Variants in MTMR3 observed in about 807,000 individuals in gnomAD.
The protein encoded by MTMR3 is phosphatidylinositol-3,5-bisphosphate 3-phosphatase MTMR3.
A neutral mutation model predicts 132.4 loss-of-function variants in MTMR3; 32 were observed. The observed-to-expected ratio is 0.24, with a 90% confidence interval of 0.18 to 0.32. MTMR3 has a LOEUF of 0.32. MTMR3 is among the 10% of genes least tolerant of loss of function. The pLI is 1.00. For synonymous variants in MTMR3, 556 were observed against 550.3 expected, an observed-to-expected ratio of 1.01 and a Z score of -0.14; for missense variants, 1,216 against 1,489.6, an observed-to-expected ratio of 0.82 and a Z score of 3.02.
intron 1 of MTMR3, among the ~76,000 whole-genome samples, chr22:29,940,946 T>A (rs372700371): frequency 6.7e-6 from 1 of 150,016 alleles, no homozygotes; most frequent in Non-Finnish European, 1.5e-5. Flanking sequence ...CTTGGGAGAT[T>A]AGTGCATATG....
intron 14 of MTMR3, 50 bp downstream of exon 14, chr22:30,013,591 C>T (rs2067490503): frequency 6.4e-7 from 1 of 1,557,398 alleles, no homozygotes; most frequent in Admixed American, 1.7e-5. Flanking sequence ...AGGGTCAGTA[C>T]AAATGTTAGT....
chr22:29,925,662 T>G (rs569291936), intron 1 of MTMR3, among the ~76,000 whole-genome samples: 2 of 152,026 alleles, frequency 1.3e-5, no homozygotes, highest in Non-Finnish European at 2.9e-5. Context: ...ATGCCTGTAA[T>G]CCCAGCAATT....
intron 1 of MTMR3, among the ~76,000 whole-genome samples, chr22:29,929,836 A>G (rs189357618): frequency 3.3e-5 from 5 of 152,280 alleles, no homozygotes; most frequent in Non-Finnish European, 7.4e-5. Flanking sequence ...TAAAATGGAA[A>G]TGCTCAACTC....
intron 12 of MTMR3, chr22:30,009,344 A>G (rs950701316): frequency 5.8e-6 from 3 of 514,208 alleles, no homozygotes; most frequent in Non-Finnish European, 1.0e-5. Context: ...GGGAGAAAAT[A>G]CAGCCATTTG....
At chr22:29,943,742 T>A (rs2065901195) in intron 1 of MTMR3, among the ~76,000 whole-genome samples, 1 of 152,096 alleles carries the variant, frequency 6.6e-6, no homozygotes, top group African/African-American at 2.4e-5. Flanking sequence ...TGATAGACTT[T>A]TAGTTTAGGC....
At chr22:29,994,768 A>G (rs903382328) in intron 7 of MTMR3, 1 of 152,202 alleles carries the variant, frequency 6.6e-6, no homozygotes, top group Non-Finnish European at 1.5e-5. Context: ...TATAAATCTT[A>G]GTTTCTGGCT....
Position 30,002,907 on chromosome 22 carries a change from C to G in MTMR3, c.585C>G (p.Leu195=), listed in dbSNP as rs1240011842. The change falls in exon 9 of 20, where the codon CTC becomes CTG. Residue 195 remains leucine (L), a synonymous_variant. Coordinates refer to ENST00000401950, the MANE Select transcript of MTMR3 (RefSeq NM_021090.4). ...TATGTGGTAGCTATCCTCAAGAGCTCATAGTGCCTGCCTGGATCACTGACA... is the reference window on the plus strand; with the variant it reads ...TATGTGGTAGCTATCCTCAAGAGCTGATAGTGCCTGCCTGGATCACTGACA... ...YKLCGSYPQE[L]IVPAWITDKE... is the part of the protein sequence containing the mutation. 2 of 1,613,878 alleles carry G rather than the reference C, an allele frequency of 1.2e-6. No homozygotes were observed. Among genetic ancestry groups the G allele is most frequent in the African/African-American group, 1.3e-5 (1 of 74,904 alleles).
chr22:30,014,868 T>C (rs1411628444), intron 14 of MTMR3: 1 of 152,274 alleles, frequency 6.6e-6, no homozygotes, highest in Admixed American at 6.5e-5. Flanking sequence ...TGCTCCTCCA[T>C]CCACACTTCC....
intron 2 of MTMR3, among the ~76,000 whole-genome samples, chr22:29,962,910 CTTTTTT>C (rs892383539): frequency 3.0e-5 from 4 of 133,622 alleles, no homozygotes; most frequent in Non-Finnish European, 4.8e-5. Context: ...TCTCTTTTTT[CTTTTTT>C]TTTTTTTTTT....
chr22:29,994,036 C>A, intron 7 of MTMR3: 1 of 819,676 alleles, frequency 1.2e-6, no homozygotes, highest in Non-Finnish European at 1.5e-6. Context: ...GACATTCATG[C>A]TCTTCCTGCC....
At chr22:29,920,304 A>G (rs954486617) in intron 1 of MTMR3, among the ~76,000 whole-genome samples, 8 of 151,980 alleles carry the variant, frequency 5.3e-5, no homozygotes, top group Admixed American at 2.6e-4. Flanking sequence ...CTTATTAGCT[A>G]AAAAAAATTA....
intron 2 of MTMR3, among the ~76,000 whole-genome samples, chr22:29,960,635 G>A (rs1454621525): frequency 6.6e-6 from 1 of 152,126 alleles, no homozygotes; most frequent in Non-Finnish European, 1.5e-5. Context: ...TTCTAAGCAT[G>A]TTATATGCAT....
At position 30,020,012 on chromosome 22, in the gene MTMR3, G is replaced by T; in HGVS notation, c.2353G>T (p.Gly785Ter). Residue 785 changes from glycine to a stop codon, truncating the protein, a stop_gained, in exon 17 of 20, where the codon GGA becomes TGA. Transcript: ENST00000401950. LOFTEE classifies it high-confidence loss of function. ...LLSSLQVPPR[G>*]EDSLEVPVEQ... The stretch of plus-strand genomic sequence containing the variant: ...CAGTTCTCTCCAGGTCCCCCCCAGG[G>T]GAGAGGATTCCCTGGAGGTCCCTGT... 1 of 1,614,186 alleles carries T rather than the reference G, an allele frequency of 6.2e-7. No individual in the cohort carries two copies. Among genetic ancestry groups the T allele is most frequent in the Non-Finnish European group, 8.5e-7 (1 of 1,180,040 alleles).
chr22:29,942,066 C>T (rs541323841), intron 1 of MTMR3, among the ~76,000 whole-genome samples: 16 of 152,232 alleles, frequency 1.1e-4, no homozygotes, highest in Admixed American at 2.6e-4. Flanking sequence ...TTCTGTGACA[C>T]CTTGGTCCAC....
chr22:29,885,737 G>T (rs1013566552), intron 1 of MTMR3, among the ~76,000 whole-genome samples: 1 of 152,198 alleles, frequency 6.6e-6, no homozygotes, highest in Non-Finnish European at 1.5e-5. Flanking sequence ...ATTGTGAAAA[G>T]TTCTTGAGAT....
intron 17 of MTMR3, 105 bp from the exon 18 acceptor site, chr22:30,021,924 C>T: frequency 1.4e-5 from 12 of 845,908 alleles, no homozygotes; most frequent in Non-Finnish European, 2.2e-5. Context: ...AGTCCTAGCA[C>T]TCGGCCCCAC....
At chr22:29,939,671 C>T (rs186206583) in intron 1 of MTMR3, among the ~76,000 whole-genome samples, 25 of 151,766 alleles carry the variant, frequency 1.6e-4, no homozygotes, top group Admixed American at 7.2e-4. Context: ...AAATAAGAAC[C>T]GTAATTGGCG....
chr22:29,887,804 A>G (rs546226456), intron 1 of MTMR3, among the ~76,000 whole-genome samples: 162 of 152,250 alleles, frequency 1.1e-3, no homozygotes, highest in Non-Finnish European at 1.7e-3. Flanking sequence ...TAGGGTAATG[A>G]AATCAATGTA....
At chr22:29,959,207 G>A (rs1417563488) in intron 2 of MTMR3, among the ~76,000 whole-genome samples, 1 of 152,058 alleles carries the variant, frequency 6.6e-6, no homozygotes, top group East Asian at 1.9e-4. Context: ...TACTGATGAT[G>A]GAGCTGAGAG....
Sources: gnomAD v4.1 joint callset for allele counts (sites outside exome capture counted in the v4.1 genomes callset) on GRCh38, gnomAD v4.1.1 for gene constraint, MANE v1.5 for transcripts, NCBI Gene and HGNC (gene_info 2026-07-23, HGNC 2026-07-21) for gene names.